GRAMD2B: variants seen among roughly 807,000 people sequenced by gnomAD.
GRAMD2B encodes the protein GRAM domain-containing protein 2B.
Under a neutral mutation model 59.2 loss-of-function variants are expected in GRAMD2B, and 41 were observed. The ratio of observed to expected loss-of-function variants is 0.69; its 90% CI spans 0.54 to 0.90. The LOEUF (loss-of-function observed/expected upper bound fraction) is 0.90. Among genes scored for constraint, GRAMD2B ranks in the 40% least tolerant of loss-of-function variants. The pLI, the probability that GRAMD2B is intolerant of heterozygous loss-of-function variation, is 0.00. For missense variants in GRAMD2B, 424 were observed against 500.5 expected (o/e 0.85, Z 1.46); for synonymous variants, 161 against 182.7 (o/e 0.88, Z 0.96).
chr5:126,403,374 T>C (rs1380079575), intron 1 of GRAMD2B, among the ~76,000 whole-genome samples: 1 of 152,034 alleles, frequency 6.6e-6, no homozygotes, highest in Non-Finnish European at 1.5e-5. Flanking sequence ...TAGGAAAATA[T>C]ATTTGGCATC....
rs141603851 is a variant in GRAMD2B, at chr5:126,380,657, C to T, written c.125+9090C>T. On this transcript the variant is annotated intron_variant, in intron 1 of 8. Coordinates refer to the GRAMD2B transcript ENST00000506445. ...ATTCCTAAGTATTTTATTTGTTTTG[C>T]AGCTATTGTAAAAGGGGTTGAGTTA... 2.7e-3 allele frequency among the ~76,000 whole-genome samples: 414 copies of T among 152,098 alleles called. 2 individuals carry two copies. Among genetic ancestry groups the T allele is most frequent in the South Asian group, 3.9e-3 (19 of 4,814 alleles).
At chr5:126,406,996 G>T (rs978541575) in intron 1 of GRAMD2B, among the ~76,000 whole-genome samples, 2 of 152,008 alleles carry the variant, frequency 1.3e-5, no homozygotes, top group African/African-American at 4.8e-5. Flanking sequence ...TGTGCATAAA[G>T]AAATGCTTCT....
intron 1 of GRAMD2B, among the ~76,000 whole-genome samples, chr5:126,412,661 T>C (rs1317794899): frequency 6.6e-6 from 1 of 152,164 alleles, no homozygotes; most frequent in East Asian, 1.9e-4. Flanking sequence ...CCTCAATTTT[T>C]TGGAATAGTT....
At chr5:126,456,003 G>A (rs1766214741) in intron 1 of GRAMD2B, among the ~76,000 whole-genome samples, 2 of 152,142 alleles carry the variant, frequency 1.3e-5, no homozygotes, top group East Asian at 1.9e-4. Flanking sequence ...TCTGGTATTA[G>A]GTTTTACACA....
chr5:126,371,344 A>G, exon 1 of GRAMD2B: 3 of 1,167,114 alleles, frequency 2.6e-6, no homozygotes, highest in Non-Finnish European at 3.2e-6. Context: ...CAATTCAAGG[A>G]CTGTACAAAG....
At chr5:126,396,088 C>T (rs1757340891) in intron 1 of GRAMD2B, among the ~76,000 whole-genome samples, 1 of 152,118 alleles carries the variant, frequency 6.6e-6, no homozygotes, top group Non-Finnish European at 1.5e-5. Flanking sequence ...AAAAGCCATC[C>T]TAACAGGTGT....
intron 1 of GRAMD2B, among the ~76,000 whole-genome samples, chr5:126,381,340 G>A (rs767208618): frequency 6.6e-6 from 1 of 152,038 alleles, no homozygotes; most frequent in South Asian, 2.1e-4. Context: ...ATGTTCATCA[G>A]GGATATTGGT....
upstream of GRAMD2B, among the ~76,000 whole-genome samples, chr5:126,367,174 T>A (rs1035540018): frequency 3.3e-5 from 5 of 152,180 alleles, no homozygotes; most frequent in Admixed American, 6.5e-5. Flanking sequence ...AGGCTTTTTT[T>A]ATCCAAATCA....
chr5:126,490,484 A>G (rs2126982675), intron 13 of GRAMD2B: 1 of 152,454 alleles, frequency 6.6e-6, no homozygotes, highest in South Asian at 2.1e-4. Context: ...GGTTTACAGG[A>G]GCACCAGTGG....
chr5:126,374,071 G>A (rs1250907977), intron 1 of GRAMD2B, among the ~76,000 whole-genome samples: 1 of 152,132 alleles, frequency 6.6e-6, no homozygotes, highest in Non-Finnish European at 1.5e-5. Context: ...GTTTCCCCTG[G>A]TACATTGTGG....
In GRAMD2B at chr5:126,404,725, T is replaced by C. The variant is rs1022131533; in HGVS notation, c.125+33158T>C. 4.0e-5 allele frequency among the ~76,000 whole-genome samples: 6 copies of C among 151,812 alleles called. 1 individual carries two copies. The highest frequency in any genetic ancestry group is 3.9e-4 in the Admixed American group (6 of 15,202). On this transcript the variant is annotated intron_variant, in intron 1 of 8. Transcript: ENST00000506445. ...GTTCCATGTCTAGAATGATTAAGCA[T>C]TGATCTTGGCACTAAGAGGAGGAGA...
chr5:126,407,951 T>C (rs572177483), intron 1 of GRAMD2B, among the ~76,000 whole-genome samples: 31 of 152,164 alleles, frequency 2.0e-4, no homozygotes, highest in African/African-American at 7.5e-4. Flanking sequence ...TTTTATTTTT[T>C]TTTAATTTCA....
intron 1 of GRAMD2B, among the ~76,000 whole-genome samples, chr5:126,451,010 T>A (rs1765263252): frequency 6.6e-6 from 1 of 152,214 alleles, no homozygotes; most frequent in African/African-American, 2.4e-5. Context: ...AGTGGAACTG[T>A]AGGAAGGGGG....
chr5:126,415,691 T>C (rs1206957980), intron 1 of GRAMD2B, among the ~76,000 whole-genome samples: 1 of 152,200 alleles, frequency 6.6e-6, no homozygotes. Context: ...TTCCCTTCTC[T>C]TTTGTTCCCC....
At position 126,424,557 on chromosome 5, in the gene GRAMD2B, G is replaced by A. The variant is rs78493761; in HGVS notation, c.83+868G>A. Among the ~76,000 whole-genome samples the A allele has an allele frequency of 9.5e-3, 1,450 of 152,250 alleles. 27 individuals carry two copies. Among genetic ancestry groups the A allele is most frequent in the African/African-American group, 0.033 (1,378 of 41,540 alleles). ...AGAAACCCGGTCTAACTTCTGTTTTGAACTTCATAACTTACATTAATTATC... is the reference window on the plus strand; with the variant it reads ...AGAAACCCGGTCTAACTTCTGTTTTAAACTTCATAACTTACATTAATTATC... On this transcript the variant is annotated intron_variant, in intron 1 of 13. Coordinates refer to ENST00000285689, the MANE Select transcript of GRAMD2B (RefSeq NM_023927.4).
intron 1 of GRAMD2B, among the ~76,000 whole-genome samples, chr5:126,379,687 T>C (rs539335602): frequency 1.3e-5 from 2 of 152,370 alleles, no homozygotes; most frequent in South Asian, 4.1e-4. Flanking sequence ...ATATGTTTGT[T>C]AACCATTTAT....
At chr5:126,475,883 C>A (rs997168906) in intron 5 of GRAMD2B, among the ~76,000 whole-genome samples, 2 of 152,074 alleles carry the variant, frequency 1.3e-5, no homozygotes, top group African/African-American at 4.8e-5. Flanking sequence ...CCGAGGCAGG[C>A]GGATTACCTG....
At chr5:126,376,486 T>C (rs796756830) in intron 1 of GRAMD2B, among the ~76,000 whole-genome samples, 20 of 152,328 alleles carry the variant, frequency 1.3e-4, no homozygotes, top group African/African-American at 4.8e-4. Context: ...CCTTCTTTCC[T>C]TCTGCCCTCT....
chr5:126,447,671 G>GAAAAAAA (rs113356500), intron 1 of GRAMD2B, among the ~76,000 whole-genome samples: 1 of 120,172 alleles, frequency 8.3e-6, no homozygotes. Flanking sequence ...CTCAAAAAAA[G>GAAAAAAA]AAAAAAAAAA....
Sources: gnomAD v4.1 joint callset for allele counts (sites outside exome capture counted in the v4.1 genomes callset) on GRCh38, gnomAD v4.1.1 for gene constraint, MANE v1.5 for transcripts, NCBI Gene and HGNC (gene_info 2026-07-23, HGNC 2026-07-21) for gene names.